Variants in FABP3 observed in about 807,000 individuals in gnomAD.
FABP3 encodes fatty acid-binding protein, heart.
Under a neutral mutation model 13.4 loss-of-function variants are expected in FABP3, and 8 were observed. The observed-to-expected ratio is 0.60, with a 90% CI of 0.35 to 1.07. FABP3 has a LOEUF of 1.07. FABP3 is among the 50% of genes least tolerant of loss of function. The pLI, the probability that FABP3 is intolerant of heterozygous loss-of-function variation, is 0.02. For missense variants in FABP3, 135 were observed against 164.7 expected (o/e 0.82, Z 0.99); for synonymous variants, 64 against 60.0 (o/e 1.07, Z -0.31).
downstream of FABP3, chr1:31,363,934 A>G: frequency 6.7e-7 from 1 of 1,501,288 alleles, no homozygotes; most frequent in Non-Finnish European, 8.9e-7. Context: ...AAGTACTAGG[A>G]TTACAGGTGT....
downstream of FABP3, among the ~76,000 whole-genome samples, chr1:31,362,061 T>G (rs942358922): frequency 3.3e-5 from 5 of 152,148 alleles, no homozygotes; most frequent in African/African-American, 1.2e-4. Flanking sequence ...CCACCTGCCT[T>G]GGCCTCCCAG....
Position 31,365,848 on chromosome 1 carries a change from C to T in FABP3, c.*38G>A, listed in dbSNP as rs374809975. 31 of 1,600,008 alleles carry T rather than the reference C, an allele frequency of 1.9e-5. No homozygotes were observed. Among genetic ancestry groups the T allele is most frequent in the African/African-American group, 2.7e-5 (2 of 74,632 alleles). On this transcript the variant is annotated 3_prime_UTR_variant, in exon 4 of 4. Transcript: ENST00000373713. ...ATGTGGTGCTGAGTCGAGGGGTAGC[C>T]GATTGGCAGAGTAGTAGTCAGCAAC... is the stretch of plus-strand genomic sequence containing the variant.
downstream of FABP3, among the ~76,000 whole-genome samples, chr1:31,362,751 G>A (rs4949392): frequency 0.02 from 3,045 of 152,204 alleles, 43 homozygotes; most frequent in Non-Finnish European, 0.029. Flanking sequence ...TTTGACCTTG[G>A]ATATGTGAGT....
chr1:31,370,854 C>T (rs1640195692), intron 1 of FABP3, among the ~76,000 whole-genome samples: 1 of 152,076 alleles, frequency 6.6e-6, no homozygotes. Flanking sequence ...TGTAAAGTCT[C>T]CAAATGTACC....
At chr1:31,363,701 G>A (rs1251336365), downstream of FABP3, among the ~76,000 whole-genome samples, 1 of 152,188 alleles carries the variant, frequency 6.6e-6, no homozygotes, top group Non-Finnish European at 1.5e-5. Flanking sequence ...AGGATTGCTT[G>A]AGCCCAAGAG....
chr1:31,361,085 T>A (rs1381398048), downstream of FABP3, among the ~76,000 whole-genome samples: 1 of 152,170 alleles, frequency 6.6e-6, no homozygotes, highest in African/African-American at 2.4e-5. Flanking sequence ...CCATAATATC[T>A]TGTGATGGAC....
chr1:31,362,262 T>C (rs955532077), downstream of FABP3, among the ~76,000 whole-genome samples: 5 of 152,192 alleles, frequency 3.3e-5, 1 homozygote, highest in South Asian at 1.0e-3. Context: ...TTTCCACCAT[T>C]TTTCACAGCC....
intron 1 of FABP3, among the ~76,000 whole-genome samples, chr1:31,370,497 T>C (rs1640190154): frequency 6.6e-6 from 1 of 152,234 alleles, no homozygotes; most frequent in African/African-American, 2.4e-5. Flanking sequence ...TTGTCCCTTA[T>C]ACATGGCAAC....
At chr1:31,366,062 ATGTGTGTGTGTGTGTGTG>A (rs3049341) in intron 3 of FABP3, 123 bp from the exon 4 acceptor site, 22 of 575,846 alleles carry the variant, frequency 3.8e-5, no homozygotes, top group African/African-American at 1.4e-4. Context: ...ATATGTATGT[ATGTGTGTGTGTGTGTGTG>A]TGTGTGTGTG....
In FABP3 at chr1:31,365,957, G is replaced by A. The variant is rs755473631; in HGVS notation, c.349-18C>T. On this transcript the variant is annotated intron_variant, in intron 3 of 3. Transcript: ENST00000373713. ...GTGAGTGTCTGGAAGGAAAGACAGA[G>A]TGAGATGGGGGGTGGAGCCAGGAAC... is the stretch of plus-strand genomic sequence containing the variant. The A allele has an allele frequency of 3.1e-6, 5 of 1,613,186 alleles. No individual in the cohort carries two copies. In the Admixed American group the frequency reaches 8.3e-5, roughly 27 times the overall value.
At chr1:31,368,865 T>C (rs1640156639) in intron 2 of FABP3, among the ~76,000 whole-genome samples, 1 of 152,232 alleles carries the variant, frequency 6.6e-6, no homozygotes, top group Non-Finnish European at 1.5e-5. Context: ...TCATTGGCCA[T>C]GTCTGGGAGT....
At chr1:31,364,015 T>C, downstream of FABP3, 2 of 1,606,730 alleles carry the variant, frequency 1.2e-6, no homozygotes, top group South Asian at 2.2e-5. Context: ...TGTTGATTTT[T>C]AAAATTTTCT....
At chr1:31,371,482 C>T (rs1044583662) in intron 1 of FABP3, among the ~76,000 whole-genome samples, 1 of 152,208 alleles carries the variant, frequency 6.6e-6, no homozygotes, top group South Asian at 2.1e-4. Context: ...GCCAGCACTA[C>T]TTACTGAGAG....
downstream of FABP3, among the ~76,000 whole-genome samples, chr1:31,360,601 G>A (rs976482324): frequency 6.6e-6 from 1 of 152,212 alleles, no homozygotes; most frequent in African/African-American, 2.4e-5. Flanking sequence ...CATCAAAGTT[G>A]AGGTCTAGGA....
intron 1 of FABP3, among the ~76,000 whole-genome samples, chr1:31,370,230 A>G (rs1036039121): frequency 7.9e-5 from 12 of 152,162 alleles, no homozygotes; most frequent in African/African-American, 2.9e-4. Flanking sequence ...ACAAAAACAG[A>G]GGTAAAGCCC....
downstream of FABP3, chr1:31,364,218 TTGAGAG>T (rs772505387): frequency 6.3e-7 from 1 of 1,597,100 alleles, no homozygotes; most frequent in African/African-American, 1.4e-5. Context: ...TAGGGGGTGG[TTGAGAG>T]TAAGAAACCA....
chr1:31,366,048 G>A (rs995813145), intron 3 of FABP3, 109 bp from the exon 4 acceptor site: 22 of 883,844 alleles, frequency 2.5e-5, no homozygotes, highest in Non-Finnish European at 3.4e-5. Flanking sequence ...ACTATGTGCC[G>A]GCTATATGTA....
chr1:31,370,131 T>C lies in FABP3; in HGVS notation c.74-574A>G, dbSNP rs146864126. ...AAAAAAAAAAAAAGCTACTATTAAG[T>C]ACTATGAGCTTTTTGTGTAGTAAGA... is the stretch of plus-strand genomic sequence containing the variant. On this transcript the variant is annotated intron_variant, in intron 1 of 3. Coordinates refer to ENST00000373713, the MANE Select transcript of FABP3 (RefSeq NM_004102.5). 1.1e-3 allele frequency among the ~76,000 whole-genome samples: 170 copies of C among 148,434 alleles called. No homozygotes were observed. The East Asian group carries it at 0.032, about 28-fold the overall frequency.
chr1:31,371,585 A>C (rs994301780), intron 1 of FABP3, among the ~76,000 whole-genome samples: 1 of 152,194 alleles, frequency 6.6e-6, no homozygotes, highest in Non-Finnish European at 1.5e-5. Context: ...GACTTCAGGG[A>C]GACCAGCCCG....
Sources: gnomAD v4.1 joint callset for allele counts (sites outside exome capture counted in the v4.1 genomes callset) on GRCh38, gnomAD v4.1.1 for gene constraint, MANE v1.5 for transcripts, NCBI Gene and HGNC (gene_info 2026-07-23, HGNC 2026-07-21) for gene names.